Variants in RGS9 observed in about 807,000 individuals in gnomAD.
RGS9 encodes regulator of G-protein signalling 9.
A neutral mutation model predicts 102.0 loss-of-function variants in RGS9; 78 were observed. That is an observed-to-expected ratio of 0.76 (90% CI 0.64 to 0.92). The LOEUF (loss-of-function observed/expected upper bound fraction) is 0.92. Among genes scored for constraint, RGS9 ranks in the 40% least tolerant of loss-of-function variants. The probability of loss-of-function intolerance (pLI) is 0.00; values close to 1 mark genes in which losing one functional copy is unlikely to be tolerated. For missense variants in RGS9, 833 were observed against 866.1 expected (o/e 0.96, Z 0.48); for synonymous variants, 353 against 318.6 (o/e 1.11, Z -1.15).
intron 3 of RGS9, among the ~76,000 whole-genome samples, chr17:65,159,371 T>C (rs910090925): frequency 6.6e-6 from 1 of 152,084 alleles, no homozygotes; most frequent in South Asian, 2.1e-4. Flanking sequence ...AGAAAATGGA[T>C]TGGAGCAGAA....
At chr17:65,204,107 T>C in intron 14 of RGS9, 56 bp from the exon 15 acceptor site, 1 of 1,605,564 alleles carries the variant, frequency 6.2e-7, no homozygotes, top group East Asian at 2.2e-5. Flanking sequence ...AGCTGTGAGC[T>C]ATCCATGAAT....
intron 8 of RGS9, among the ~76,000 whole-genome samples, chr17:65,175,687 A>G (rs9908359): frequency 0.11 from 17,102 of 152,088 alleles, 2,333 homozygotes; most frequent in African/African-American, 0.32. Context: ...AAGGATGGCC[A>G]TTCCCTTTCC....
chr17:65,193,431 A>C, intron 11 of RGS9, 112 bp from the exon 12 acceptor site: 1 of 747,172 alleles, frequency 1.3e-6, no homozygotes, highest in Non-Finnish European at 2.4e-6. Context: ...AGTAATAAGT[A>C]TGTCACCAAA....
intron 7 of RGS9, among the ~76,000 whole-genome samples, chr17:65,165,670 C>A (rs937981544): frequency 1.3e-5 from 2 of 152,116 alleles, no homozygotes; most frequent in Admixed American, 1.3e-4. Context: ...CTGGTTGAAC[C>A]AAACTCACCG....
chr17:65,174,247 CT>C (rs1911528885), intron 8 of RGS9, among the ~76,000 whole-genome samples: 1 of 152,206 alleles, frequency 6.6e-6, no homozygotes, highest in African/African-American at 2.4e-5. Context: ...AAGGAAAGAA[CT>C]AGATAACGAA....
chr17:65,211,808 T>C (rs948262985), intron 17 of RGS9, among the ~76,000 whole-genome samples: 1 of 152,232 alleles, frequency 6.6e-6, no homozygotes, highest in Non-Finnish European at 1.5e-5. Flanking sequence ...TTCTCTCTCA[T>C]GGAGCTTCTT....
Position 65,195,586 on chromosome 17 carries a change from G to A in RGS9, c.861-1540G>A, listed in dbSNP as rs1189790600. Among the ~76,000 whole-genome samples the A allele has an allele frequency of 3.3e-5, 5 of 151,954 alleles. 1 individual carries two copies. Among genetic ancestry groups the A allele is most frequent in the Non-Finnish European group, 2.9e-5 (2 of 68,012 alleles). On this transcript the variant is annotated intron_variant, in intron 12 of 18. Coordinates refer to ENST00000262406, the MANE Select transcript of RGS9 (RefSeq NM_003835.4). Reference sequence around the variant, plus strand: ...CACTCCCTTTTCACCCCTTTCCCCTGAGTCCCCGAAGTGCATCGTGTCATT... The same window carrying A: ...CACTCCCTTTTCACCCCTTTCCCCTAAGTCCCCGAAGTGCATCGTGTCATT...
chr17:65,202,244 T>C (rs1475936059), intron 14 of RGS9, among the ~76,000 whole-genome samples, 164 bp downstream of exon 14: 1 of 152,122 alleles, frequency 6.6e-6, no homozygotes, highest in Non-Finnish European at 1.5e-5. Context: ...AGTTCCCCGC[T>C]GCTTTGGGAG....
intron 13 of RGS9, among the ~76,000 whole-genome samples, chr17:65,198,452 C>T (rs1249476927): frequency 2.0e-5 from 3 of 152,140 alleles, no homozygotes; most frequent in Non-Finnish European, 4.4e-5. Context: ...GACAGGGTTT[C>T]GCCATGTTGG....
chr17:65,195,885 G>A (rs139323409), intron 12 of RGS9, among the ~76,000 whole-genome samples: 28 of 152,326 alleles, frequency 1.8e-4, no homozygotes, highest in African/African-American at 6.3e-4. Flanking sequence ...CTGGACCAGC[G>A]GCATCCGCAG....
At chr17:65,159,130 G>T (rs748171185) in intron 3 of RGS9, among the ~76,000 whole-genome samples, 2 of 151,978 alleles carry the variant, frequency 1.3e-5, no homozygotes, top group East Asian at 1.9e-4. Flanking sequence ...GGCTCAAAAA[G>T]CTCCCCCACT....
intron 17 of RGS9, among the ~76,000 whole-genome samples, chr17:65,219,026 G>A (rs906916183): frequency 6.6e-6 from 1 of 152,248 alleles, no homozygotes; most frequent in African/African-American, 2.4e-5. Flanking sequence ...GAGACTTGGG[G>A]AGATCAGCAG....
At chr17:65,210,467 C>G (rs1913247836) in intron 16 of RGS9, 21 bp from the exon 17 acceptor site, 2 of 1,612,494 alleles carry the variant, frequency 1.2e-6, no homozygotes, top group Non-Finnish European at 8.5e-7. Context: ...CCTCCAACCA[C>G]CAATCTGTCC....
chr17:65,153,577 C>A, intron 2 of RGS9, 59 bp downstream of exon 2: 1 of 1,331,798 alleles, frequency 7.5e-7, no homozygotes, highest in Non-Finnish European at 1.1e-6. Context: ...CCAATACGGC[C>A]CACCTCCTGT....
At chr17:65,170,848 G>A (rs938136535) in intron 8 of RGS9, among the ~76,000 whole-genome samples, 1 of 152,152 alleles carries the variant, frequency 6.6e-6, no homozygotes, top group African/African-American at 2.4e-5. Flanking sequence ...GCAGGAGAGT[G>A]CAGTGGCCCC....
chr17:65,174,245 A>G (rs1911528645), intron 8 of RGS9, among the ~76,000 whole-genome samples: 1 of 152,206 alleles, frequency 6.6e-6, no homozygotes, highest in South Asian at 2.1e-4. Context: ...GGAAGGAAAG[A>G]ACTAGATAAC....
intron 13 of RGS9, among the ~76,000 whole-genome samples, chr17:65,200,057 A>G (rs992537963): frequency 1.3e-5 from 2 of 152,050 alleles, no homozygotes; most frequent in Non-Finnish European, 2.9e-5. Context: ...TTTGAGACGG[A>G]GTCTTGCTCT....
intron 12 of RGS9, among the ~76,000 whole-genome samples, chr17:65,195,357 T>C (rs79424525): frequency 0.025 from 3,833 of 152,230 alleles, 70 homozygotes; most frequent in Middle Eastern, 0.044. Flanking sequence ...GAACCGTTGA[T>C]CAGAGGGCAC....
intron 3 of RGS9, 110 bp downstream of exon 3, chr17:65,158,455 G>T (rs1179621151): frequency 4.9e-6 from 5 of 1,018,972 alleles, no homozygotes; most frequent in Non-Finnish European, 7.8e-6. Flanking sequence ...CATTTTAATT[G>T]GACAGACATG....
Sources: gnomAD v4.1 joint callset for allele counts (sites outside exome capture counted in the v4.1 genomes callset) on GRCh38, gnomAD v4.1.1 for gene constraint, MANE v1.5 for transcripts, NCBI Gene and HGNC (gene_info 2026-07-23, HGNC 2026-07-21) for gene names.